Variants in NLGN1 observed in about 807,000 individuals in gnomAD.
NLGN1 encodes neuroligin 1, also known as neuroligin-1.
NLGN1 carries 12 observed loss-of-function variants against 65.5 expected under a neutral mutation model. The ratio of observed to expected loss-of-function variants is 0.18; its 90% CI spans 0.12 to 0.30. The LOEUF (loss-of-function observed/expected upper bound fraction) is 0.30, where lower values mean the gene tolerates loss of function less well. NLGN1 is among the 10% of genes least tolerant of loss of function. NLGN1 has a pLI of 1.00. For synonymous variants in NLGN1, 350 were observed against 359.5 expected (o/e 0.97, Z 0.30); for missense variants, 750 against 1,007.1 (o/e 0.74, Z 3.46).
At chr3:174,012,718 G>A (rs1474568004) in intron 4 of NLGN1, among the ~76,000 whole-genome samples, 1 of 152,136 alleles carries the variant, frequency 6.6e-6, no homozygotes, top group African/African-American at 2.4e-5. Context: ...GCTGAGCCCT[G>A]AAAAGATAAC....
intron 3 of NLGN1, among the ~76,000 whole-genome samples, chr3:173,687,034 A>G (rs1010018359): frequency 2.0e-5 from 3 of 151,838 alleles, no homozygotes; most frequent in Non-Finnish European, 2.9e-5. Flanking sequence ...ATCCAGGAGG[A>G]GTGGTTACTG....
chr3:174,196,515 T>C (rs1733449013), intron 4 of NLGN1, among the ~76,000 whole-genome samples: 1 of 152,220 alleles, frequency 6.6e-6, no homozygotes, highest in Non-Finnish European at 1.5e-5. Flanking sequence ...AATGAGAATA[T>C]GCTTAGAAAA....
intron 2 of NLGN1, among the ~76,000 whole-genome samples, chr3:173,487,639 T>C (rs755242345): frequency 6.6e-6 from 1 of 152,070 alleles, no homozygotes; most frequent in Non-Finnish European, 1.5e-5. Flanking sequence ...TGCAACAATA[T>C]TGTTAAGGAA....
chr3:173,900,322 C>A (rs1360033394), intron 4 of NLGN1, among the ~76,000 whole-genome samples: 1 of 152,022 alleles, frequency 6.6e-6, no homozygotes, highest in African/African-American at 2.4e-5. Flanking sequence ...CAGGGCCTGA[C>A]CATAGCTTTG....
At chr3:173,582,848 C>T (rs948566622) in intron 2 of NLGN1, among the ~76,000 whole-genome samples, 3 of 152,064 alleles carry the variant, frequency 2.0e-5, no homozygotes, top group African/African-American at 7.2e-5. Context: ...TACCCAAAAT[C>T]ATAAAGCTAT....
At chr3:173,932,608 G>C (rs1253700280) in intron 4 of NLGN1, among the ~76,000 whole-genome samples, 1 of 152,164 alleles carries the variant, frequency 6.6e-6, no homozygotes, top group Non-Finnish European at 1.5e-5. Flanking sequence ...GAATTGTTCA[G>C]ATAGTAACAG....
chr3:173,775,075 T>TA (rs1202096595), intron 3 of NLGN1, among the ~76,000 whole-genome samples: 4 of 152,202 alleles, frequency 2.6e-5, no homozygotes, highest in African/African-American at 9.6e-5. Flanking sequence ...AATAGTTTTT[T>TA]ATTTCTTAAA....
intron 3 of NLGN1, among the ~76,000 whole-genome samples, chr3:173,684,885 A>C (rs780985841): frequency 1.3e-5 from 2 of 152,214 alleles, no homozygotes; most frequent in Non-Finnish European, 2.9e-5. Flanking sequence ...GTGTTATTAC[A>C]AAAGCCTTTA....
intron 4 of NLGN1, among the ~76,000 whole-genome samples, chr3:173,884,839 G>C (rs1244830174): frequency 2.6e-5 from 4 of 152,110 alleles, no homozygotes; most frequent in Non-Finnish European, 4.4e-5. Flanking sequence ...GGTGCCGACA[G>C]GTTCATGTCT....
chr3:173,709,621 A>G (rs1479180523), intron 3 of NLGN1, among the ~76,000 whole-genome samples: 2 of 151,686 alleles, frequency 1.3e-5, no homozygotes, highest in East Asian at 2.0e-4. Context: ...GTCCAAAATG[A>G]TGAAACCCCA....
intron 4 of NLGN1, among the ~76,000 whole-genome samples, chr3:173,963,430 A>C (rs1475889284): frequency 6.6e-6 from 1 of 152,200 alleles, no homozygotes. Context: ...TACATTTTAC[A>C]TGAGTGGGAA....
intron 3 of NLGN1, among the ~76,000 whole-genome samples, chr3:173,712,815 TAAAA>T (rs35470843): frequency 0.14 from 21,834 of 151,800 alleles, 1,601 homozygotes; most frequent in Non-Finnish European, 0.17. Flanking sequence ...TTTTTAAAGA[TAAAA>T]AAATATACAG....
intron 4 of NLGN1, among the ~76,000 whole-genome samples, chr3:174,192,885 A>T (rs912786262): frequency 6.6e-6 from 1 of 151,922 alleles, no homozygotes; most frequent in Non-Finnish European, 1.5e-5. Context: ...TTGCATTTCC[A>T]TATATCTGGG....
At chr3:173,827,858 C>G (rs1319082271) in intron 4 of NLGN1, among the ~76,000 whole-genome samples, 2 of 151,872 alleles carry the variant, frequency 1.3e-5, no homozygotes, top group Non-Finnish European at 2.9e-5. Context: ...GCTCAAATAG[C>G]CTTTCTCTGC....
chr3:174,288,900 A>G (rs968597886), downstream of NLGN1, among the ~76,000 whole-genome samples: 5 of 151,454 alleles, frequency 3.3e-5, no homozygotes, highest in East Asian at 7.8e-4. Flanking sequence ...TAAATGCACT[A>G]TTGTTAAGCA....
intron 3 of NLGN1, among the ~76,000 whole-genome samples, chr3:173,805,939 A>AT (rs1180412668): frequency 1.3e-5 from 2 of 151,904 alleles, no homozygotes; most frequent in Non-Finnish European, 1.5e-5. Context: ...AATGAATACT[A>AT]TTTTTTTCTC....
chr3:174,121,790 T>C (rs1414200613), intron 4 of NLGN1, among the ~76,000 whole-genome samples: 1 of 152,192 alleles, frequency 6.6e-6, no homozygotes, highest in Non-Finnish European at 1.5e-5. Context: ...TCATTTAACT[T>C]ACATAGGATT....
At chr3:173,652,960 C>T (rs976207547) in intron 3 of NLGN1, among the ~76,000 whole-genome samples, 1 of 151,952 alleles carries the variant, frequency 6.6e-6, no homozygotes, top group Non-Finnish European at 1.5e-5. Flanking sequence ...AGATCTTTCA[C>T]CTCTTGTTTA....
chr3:174,216,486 G>A (rs548975636), intron 4 of NLGN1, among the ~76,000 whole-genome samples: 1 of 152,222 alleles, frequency 6.6e-6, no homozygotes, highest in South Asian at 2.1e-4. Flanking sequence ...TCAAGGGAAA[G>A]AAAATCAGTT....
Sources: allele counts gnomAD v4.1 joint callset (sites outside exome capture counted in the v4.1 genomes callset), GRCh38; gene constraint gnomAD v4.1.1; transcripts MANE v1.5; gene names NCBI Gene and HGNC (gene_info 2026-07-23, HGNC 2026-07-21).